Variants in STAB2 observed in about 807,000 individuals in gnomAD.
STAB2 encodes the protein stabilin 2, also known as stabilin-2.
A neutral mutation model predicts 338.1 loss-of-function variants in STAB2; 288 were observed. That is an observed-to-expected ratio of 0.85 (90% CI 0.77 to 0.94). The LOEUF (loss-of-function observed/expected upper bound fraction) is 0.94. STAB2 is among the 40% of genes least tolerant of loss of function. STAB2 has a pLI of 0.00. For synonymous variants in STAB2, 1,202 were observed against 1,193.3 expected (o/e 1.01, Z -0.15); for missense variants, 3,141 against 3,210.1 (o/e 0.98, Z 0.52).
intron 27 of STAB2, among the ~76,000 whole-genome samples, 185 bp from the exon 28 acceptor site, chr12:103,687,983 T>A (rs921835648): frequency 2.0e-5 from 3 of 152,222 alleles, no homozygotes; most frequent in Non-Finnish European, 4.4e-5. Context: ...TCTGTCAGCA[T>A]GGAAATGCAG....
chr12:103,616,599 A>G (rs773387190), intron 3 of STAB2, among the ~76,000 whole-genome samples: 1 of 152,250 alleles, frequency 6.6e-6, no homozygotes, highest in Non-Finnish European at 1.5e-5. Context: ...GCTGAGTCTC[A>G]GGCTTCAGGA....
At chr12:103,667,575 G>GT (rs1350474242) in intron 19 of STAB2, among the ~76,000 whole-genome samples, 1 of 152,128 alleles carries the variant, frequency 6.6e-6, no homozygotes, top group African/African-American at 2.4e-5. Flanking sequence ...AGACACATGG[G>GT]TAGGAGCCAA....
At chr12:103,637,504 G>T (rs1028429184) in intron 7 of STAB2, among the ~76,000 whole-genome samples, 2 of 151,934 alleles carry the variant, frequency 1.3e-5, no homozygotes, top group Admixed American at 6.6e-5. Context: ...TTATCTTTTT[G>T]ATTTTATTCA....
chr12:103,690,109 T>A, intron 29 of STAB2, 127 bp downstream of exon 29: 1 of 1,331,794 alleles, frequency 7.5e-7, no homozygotes, highest in Non-Finnish European at 1.0e-6. Flanking sequence ...TCTAGGATTC[T>A]CCTTTCCTCC....
At position 103,762,300 on chromosome 12, in the gene STAB2, A is replaced by G. The variant is rs771913870; in HGVS notation, c.7386A>G (p.Ala2462=). 81 of 1,614,094 alleles carry G rather than the reference A, an allele frequency of 5.0e-5. 3 individuals are homozygous for G. In the South Asian group the frequency reaches 8.9e-4, roughly 18 times the overall value. ...CCTTGACCCACACTGGCTTGGGAGCAGGGATCTTCTTTGCCATCATCCTGG... is the reference window on the plus strand; with the variant it reads ...CCTTGACCCACACTGGCTTGGGAGCGGGGATCTTCTTTGCCATCATCCTGG... ...PVTLTHTGLG[A]GIFFAIILVT... is the part of the protein sequence containing the mutation. The change falls in exon 67 of 69, where the codon GCA becomes GCG. Residue 2462 remains alanine, a synonymous_variant. Coordinates refer to ENST00000388887, the MANE Select transcript of STAB2 (RefSeq NM_017564.10).
At chr12:103,655,750 T>A (rs1874133820) in intron 15 of STAB2, among the ~76,000 whole-genome samples, 169 bp downstream of exon 15, 1 of 152,176 alleles carries the variant, frequency 6.6e-6, no homozygotes. Context: ...ATTCTGGAAC[T>A]AAGCCTGGAT....
chr12:103,714,217 A>C (rs1318803144), intron 42 of STAB2, among the ~76,000 whole-genome samples: 1 of 152,234 alleles, frequency 6.6e-6, no homozygotes, highest in Non-Finnish European at 1.5e-5. Context: ...GCAATATATC[A>C]AAGTAACTCT....
chr12:103,650,422 T>C (rs768449891), intron 10 of STAB2, 74 bp from the exon 11 acceptor site: 35 of 1,309,006 alleles, frequency 2.7e-5, no homozygotes, highest in Non-Finnish European at 3.6e-5. Flanking sequence ...CCAAGACCTG[T>C]TGCCTGATTT....
At position 103,666,261 on chromosome 12, in the gene STAB2, C is replaced by T. The variant is rs750980144; in HGVS notation, c.2023-30C>T. 7 of 1,611,464 alleles carry T rather than the reference C, an allele frequency of 4.3e-6. No homozygotes were observed. The South Asian group carries it at 6.6e-5, about 15-fold the overall frequency. ...GCCACTGCTCCCTCTCATAGGGACA[C>T]CTGCACTGACCTCCTGTCTCTCCCT... On this transcript the variant is annotated intron_variant, in intron 18 of 68. Transcript: ENST00000388887.
At chr12:103,694,534 A>C (rs916786484) in intron 31 of STAB2, among the ~76,000 whole-genome samples, 1 of 152,182 alleles carries the variant, frequency 6.6e-6, no homozygotes, top group Admixed American at 6.5e-5. Flanking sequence ...GTGCAAAAAC[A>C]GACTTAGACA....
At chr12:103,682,182 G>T (rs981571818) in intron 25 of STAB2, among the ~76,000 whole-genome samples, 1 of 151,872 alleles carries the variant, frequency 6.6e-6, no homozygotes, top group Admixed American at 6.6e-5. Context: ...AAAAGAGGGG[G>T]GTCTCTTTGT....
At chr12:103,705,527 C>G in intron 36 of STAB2, 105 bp from the exon 37 acceptor site, 1 of 863,676 alleles carries the variant, frequency 1.2e-6, no homozygotes. Flanking sequence ...CTTCCCACAA[C>G]ACTTTAGTCA....
intron 44 of STAB2, among the ~76,000 whole-genome samples, chr12:103,720,800 A>G (rs1880700611): frequency 6.6e-6 from 1 of 152,210 alleles, no homozygotes; most frequent in Non-Finnish European, 1.5e-5. Context: ...CACATTCTGG[A>G]GGCTGGGCAG....
chr12:103,625,041 T>C (rs1345543849), intron 5 of STAB2, among the ~76,000 whole-genome samples: 5 of 151,934 alleles, frequency 3.3e-5, no homozygotes, highest in Non-Finnish European at 7.4e-5. Context: ...GTCAACTATA[T>C]AGAAATAGCA....
intron 50 of STAB2, 99 bp from the exon 51 acceptor site, chr12:103,732,907 A>T (rs1881746519): frequency 2.1e-6 from 3 of 1,444,464 alleles, no homozygotes; most frequent in Non-Finnish European, 2.8e-6. Flanking sequence ...CCAGTAAGCC[A>T]CGGGCTTGAG....
At position 103,689,868 on chromosome 12, in the gene STAB2, T is replaced by G. The variant is rs1188678371; in HGVS notation, c.3068T>G (p.Leu1023Arg). ...CAGAATGCTTCTCTACAACCCACACTGTCAGCCACCTCAAACCTCACTGTC... is the reference window on the plus strand; with the variant it reads ...CAGAATGCTTCTCTACAACCCACACGGTCAGCCACCTCAAACCTCACTGTC... ...WINNASLQPTLSATSNLTVLV... is the reference protein window; with the variant it reads ...WINNASLQPTRSATSNLTVLV... The change falls in exon 29 of 69, where the codon CTG (leucine) becomes CGG (arginine). Residue 1023 changes from leucine to arginine, a missense_variant. By Grantham distance (102) the Leu-to-Arg change is moderately radical. Coordinates refer to ENST00000388887, the MANE Select transcript of STAB2 (RefSeq NM_017564.10). 2 of 1,613,990 alleles carry G rather than the reference T, an allele frequency of 1.2e-6. No homozygotes were observed. The highest frequency in any genetic ancestry group is 2.7e-5 in the African/African-American group (2 of 74,930).
intron 23 of STAB2, 142 bp downstream of exon 23, chr12:103,674,229 T>C: frequency 7.0e-6 from 7 of 994,696 alleles, no homozygotes; most frequent in Non-Finnish European, 1.0e-5. Context: ...CAGCTGACAG[T>C]GTGGTGTTTG....
intron 11 of STAB2, 58 bp from the exon 12 acceptor site, chr12:103,652,498 G>T (rs551186553): frequency 6.8e-7 from 1 of 1,471,806 alleles, no homozygotes; most frequent in Non-Finnish European, 9.1e-7. Flanking sequence ...GGCACAGCAT[G>T]TGTTACAAAA....
intron 68 of STAB2, 40 bp from the exon 69 acceptor site, chr12:103,766,246 C>T (rs760089279): frequency 1.1e-5 from 18 of 1,613,502 alleles, no homozygotes; most frequent in African/African-American, 2.7e-5. Flanking sequence ...GGACTCAACA[C>T]ACAGAATGCC....
Sources: gnomAD v4.1 joint callset for allele counts (sites outside exome capture counted in the v4.1 genomes callset) on GRCh38, gnomAD v4.1.1 for gene constraint, MANE v1.5 for transcripts, NCBI Gene and HGNC (gene_info 2026-07-23, HGNC 2026-07-21) for gene names.